Variants in GLB1 observed in about 807,000 individuals in gnomAD.
GLB1 encodes the protein galactosidase beta 1.
In GLB1, 56 loss-of-function variants were observed where a neutral mutation model predicts 74.0. That is an observed-to-expected ratio of 0.76 (90% CI 0.61 to 0.94). GLB1 has a LOEUF of 0.94. Ranked by LOEUF, GLB1 falls within the 40% of genes least tolerant of loss-of-function variation. The pLI, the probability that GLB1 is intolerant of heterozygous loss-of-function variation, is 0.00. For synonymous variants in GLB1, 323 were observed against 323.6 expected, an observed-to-expected ratio of 1.00 and a Z score of 0.02; for missense variants, 787 against 845.5, an observed-to-expected ratio of 0.93 and a Z score of 0.86.
Position 33,093,958 on chromosome 3 carries a change from T to G in GLB1, c.75+3053A>C. 4 of 1,614,098 alleles carry G rather than the reference T, an allele frequency of 2.5e-6. No homozygotes were observed. Among genetic ancestry groups the G allele is most frequent in the Non-Finnish European group, 3.4e-6 (4 of 1,180,020 alleles). On this transcript the variant is annotated intron_variant, in intron 1 of 15. Coordinates refer to ENST00000307363, the MANE Select transcript of GLB1 (RefSeq NM_000404.4). The surrounding 1 kb of genome is among the most constrained non-coding windows in gnomAD (Gnocchi z 6.0). ...ACCACCTTCCAAAGCTGAAAACAGG[T>G]TGACTCTGCAGCTGGGGAGTGGCAG...
intron 2 of GLB1, among the ~76,000 whole-genome samples, chr3:33,071,348 T>C (rs992093181): frequency 3.5e-4 from 53 of 152,360 alleles, no homozygotes; most frequent in African/African-American, 1.1e-3. Context: ...TTTCTCACTC[T>C]TCATCTTTGA....
At position 33,068,912 on chromosome 3, in the gene GLB1, G is replaced by T. The variant is rs769503425; in HGVS notation, c.304C>A (p.His102Asn). The T allele has an allele frequency of 6.2e-7, 1 of 1,614,116 alleles. No individual in the cohort carries two copies. Among genetic ancestry groups the T allele is most frequent in the Non-Finnish European group, 8.5e-7 (1 of 1,180,038 alleles). The change falls in exon 3 of 16, where the codon CAT becomes AAT. Residue 102 changes from histidine (H) to asparagine (N), a missense_variant. Coordinates refer to ENST00000307363, the MANE Select transcript of GLB1 (RefSeq NM_000404.4). ...AGCCGAAGAAAATATTCCACATCAT[G>T]GTCCTCAGAAAACTGGTACTGTCCT... ...WPGQYQFSED[H>N]DVEYFLRLAH...
chr3:33,082,188 A>C (rs1700346758), intron 1 of GLB1, among the ~76,000 whole-genome samples: 1 of 152,246 alleles, frequency 6.6e-6, no homozygotes, highest in African/African-American at 2.4e-5. Context: ...ACTCTCCCTT[A>C]TCACTCTTAG....
intron 10 of GLB1, among the ~76,000 whole-genome samples, chr3:33,043,683 A>G (rs1559397061): frequency 1.4e-5 from 1 of 70,270 alleles, no homozygotes; most frequent in Admixed American, 1.8e-4. Context: ...TTCAAACTAG[A>G]TATTTTAAAA....
chr3:33,094,862 A>G (rs1429738020), intron 1 of GLB1, among the ~76,000 whole-genome samples: 1 of 152,206 alleles, frequency 6.6e-6, no homozygotes, highest in Non-Finnish European at 1.5e-5. Context: ...TTTTTCAAAT[A>G]TATATATTGT....
At chr3:32,966,887 G>A in the GLB1 span, among the ~76,000 whole-genome samples, 1 of 152,272 alleles carries the variant, frequency 6.6e-6, no homozygotes, top group African/African-American at 2.4e-5. Flanking sequence ...ACGTGCCTTT[G>A]CTCCTCCTTG....
chr3:33,060,411 A>G (rs911874622), intron 5 of GLB1, among the ~76,000 whole-genome samples: 3 of 152,236 alleles, frequency 2.0e-5, no homozygotes, highest in Admixed American at 2.0e-4. Flanking sequence ...CTTTGTAAAT[A>G]CTGGCAAAGT....
chr3:33,096,649 A>G, intron 1 of GLB1: 1 of 1,097,820 alleles, frequency 9.1e-7, no homozygotes, highest in Non-Finnish European at 1.1e-6. Flanking sequence ...CCAGAGCCGG[A>G]GGCACCCTCT....
At chr3:33,055,487 G>T (rs1385365089) in intron 6 of GLB1, among the ~76,000 whole-genome samples, 1 of 131,522 alleles carries the variant, frequency 7.6e-6, no homozygotes, top group South Asian at 2.5e-4. Context: ...TTGAGATGGA[G>T]TTTCGCTCTG....
chr3:33,001,171 CCTCTTCTCCTTCTCCTTCTT>C (rs915578434), intron 15 of GLB1, among the ~76,000 whole-genome samples: 1 of 151,518 alleles, frequency 6.6e-6, no homozygotes, highest in Non-Finnish European at 1.5e-5. Flanking sequence ...CTTCTCCTCT[CCTCTTCTCCTTCTCCTTCTT>C]CTCTTCTCCT....
At chr3:33,032,412 C>T (rs1698090299) in intron 10 of GLB1, among the ~76,000 whole-genome samples, 1 of 152,092 alleles carries the variant, frequency 6.6e-6, no homozygotes, top group African/African-American at 2.4e-5. Flanking sequence ...CCTGTCCCTG[C>T]CAGGGCCTCC....
downstream of GLB1, among the ~76,000 whole-genome samples, chr3:32,996,334 A>G (rs913643108): frequency 5.3e-5 from 8 of 152,350 alleles, no homozygotes; most frequent in Non-Finnish European, 1.5e-5. Context: ...GAATATGTGA[A>G]GTTCTTATGT....
intron 9 of GLB1, 103 bp from the exon 10 acceptor site, chr3:33,046,335 G>A: frequency 7.2e-7 from 1 of 1,391,412 alleles, no homozygotes; most frequent in Non-Finnish European, 1.0e-6. Flanking sequence ...AAAACTAGAA[G>A]ACACATTAAA....
At chr3:33,041,396 T>C (rs1334279196) in intron 10 of GLB1, among the ~76,000 whole-genome samples, 1 of 152,130 alleles carries the variant, frequency 6.6e-6, no homozygotes, top group East Asian at 1.9e-4. Context: ...GCATGGTGGC[T>C]CACACCTGTA....
At chr3:33,059,493 G>A (rs948087495) in intron 5 of GLB1, among the ~76,000 whole-genome samples, 5 of 152,208 alleles carry the variant, frequency 3.3e-5, no homozygotes, top group African/African-American at 1.2e-4. Flanking sequence ...AATGTGAAGT[G>A]AAAGAAGCAT....
At chr3:33,023,733 T>A (rs1318701177) in intron 11 of GLB1, among the ~76,000 whole-genome samples, 1 of 152,168 alleles carries the variant, frequency 6.6e-6, no homozygotes, top group Admixed American at 6.5e-5. Context: ...TAACTCCTAT[T>A]TATGATTGAT....
chr3:33,040,881 C>T (rs1029390253), intron 10 of GLB1, among the ~76,000 whole-genome samples: 1 of 152,076 alleles, frequency 6.6e-6, no homozygotes, highest in African/African-American at 2.4e-5. Flanking sequence ...AAAATTCGAA[C>T]TGCTAATGTG....
rs1337637289 is a variant in GLB1, at chr3:33,014,304, C to A, written c.1486G>T (p.Val496Phe). The A allele has an allele frequency of 6.2e-7, 1 of 1,613,840 alleles. No homozygotes were observed. The highest frequency in any genetic ancestry group is 8.5e-7 in the Non-Finnish European group (1 of 1,179,878). Residue 496 changes from valine (V) to phenylalanine (F), a missense_variant, in exon 15 of 16, where the codon GTT becomes TTT. Transcript: ENST00000307363. Reference sequence around the variant, plus strand: ...TTGGAACTGAGAGTCAGGTTAGAAACCAAACCCTGCAAAGCAGAAACAGAG... The same window carrying A: ...TTGGAACTGAGAGTCAGGTTAGAAAACAAACCCTGCAAAGCAGAAACAGAG... ...GAYINDFKGL[V>F]SNLTLSSNIL...
At chr3:33,091,104 G>C in intron 1 of GLB1, 2 of 985,410 alleles carry the variant, frequency 2.0e-6, no homozygotes, top group Non-Finnish European at 2.4e-6. Flanking sequence ...AATCCAAAGC[G>C]AGAACTTAAA....
Sources: allele counts gnomAD v4.1 joint callset (sites outside exome capture counted in the v4.1 genomes callset), GRCh38; gene constraint gnomAD v4.1.1; non-coding constraint Gnocchi (gnomAD v3.1); transcripts MANE v1.5; gene names NCBI Gene and HGNC (gene_info 2026-07-23, HGNC 2026-07-21).